BTAF1: variants seen among roughly 807,000 people sequenced by gnomAD.
BTAF1 encodes B-TFIID TATA-box binding protein associated factor 1, also known as TATA-binding protein-associated factor 172.
BTAF1 carries 38 observed loss-of-function variants against 227.1 expected under a neutral mutation model. That is an observed-to-expected ratio of 0.17 (90% CI 0.13 to 0.22). The LOEUF (loss-of-function observed/expected upper bound fraction) is 0.22, where lower values mean the gene tolerates loss of function less well. Ranked by LOEUF, BTAF1 falls within the 10% of genes least tolerant of loss-of-function variation. The pLI is 1.00. For synonymous variants in BTAF1, 742 were observed against 751.9 expected (o/e 0.99, Z 0.21); for missense variants, 1,598 against 2,204.0 (o/e 0.73, Z 5.51).
intron 36 of BTAF1, 107 bp downstream of exon 36, chr10:92,026,858 G>A: frequency 2.4e-6 from 3 of 1,235,276 alleles, no homozygotes; most frequent in Non-Finnish European, 2.2e-6. Flanking sequence ...TAACATACAT[G>A]TGTTATGACC....
chr10:91,944,193 A>G (rs1007672127), intron 4 of BTAF1, among the ~76,000 whole-genome samples: 7 of 151,800 alleles, frequency 4.6e-5, no homozygotes, highest in Non-Finnish European at 1.0e-4. Flanking sequence ...GGTGATTCTG[A>G]TATGTAACCA....
intron 5 of BTAF1, 124 bp downstream of exon 5, chr10:91,951,690 C>G (rs1327761268): frequency 3.9e-6 from 4 of 1,018,306 alleles, no homozygotes; most frequent in South Asian, 2.2e-5. Context: ...CTTAGTGCCA[C>G]CATAATTTAG....
chr10:91,997,937 CTG>C (rs1203774097), intron 25 of BTAF1, among the ~76,000 whole-genome samples, 186 bp downstream of exon 25: 1 of 151,880 alleles, frequency 6.6e-6, no homozygotes, highest in Non-Finnish European at 1.5e-5. Flanking sequence ...GGGTGAAACC[CTG>C]TCTCTACTAA....
intron 14 of BTAF1, among the ~76,000 whole-genome samples, chr10:91,975,735 C>T (rs1423113653): frequency 6.6e-6 from 1 of 152,120 alleles, no homozygotes; most frequent in African/African-American, 2.4e-5. Context: ...CTCCTTTTTT[C>T]TGAGTGTACC....
chr10:91,990,031 AACTTTTAGT>A (rs1490462586), intron 20 of BTAF1, among the ~76,000 whole-genome samples: 1 of 152,236 alleles, frequency 6.6e-6, no homozygotes, highest in Non-Finnish European at 1.5e-5. Context: ...GAGATTAGTG[AACTTTTAGT>A]ACTTTTAGTA....
chr10:91,935,571 G>C, intron 1 of BTAF1, 86 bp from the exon 2 acceptor site: 1 of 1,402,598 alleles, frequency 7.1e-7, no homozygotes, highest in Admixed American at 2.1e-5. Flanking sequence ...TTCATTCATA[G>C]CATCTGCTCA....
At position 91,997,632 on chromosome 10, in the gene BTAF1, G is replaced by C. The variant is rs754343426; in HGVS notation, c.3541G>C (p.Val1181Leu). 1.9e-6 allele frequency: 3 copies of C among 1,613,786 alleles called. No individual in the cohort carries two copies. In the African/African-American group the frequency reaches 4.0e-5, roughly 22 times the overall value. Residue 1181 changes from valine to leucine, a missense_variant, in exon 25 of 38, where the codon GTT becomes CTT. Val to Leu is a conservative substitution (Grantham distance 32, BLOSUM62 1). This residue lies in a region of BTAF1 where 425 missense variants were observed against 491.2 expected (regional missense o/e 0.87). Coordinates refer to ENST00000265990, the MANE Select transcript of BTAF1 (RefSeq NM_003972.3). Reference sequence around the variant, plus strand: ...AATGGAACAACTAGATGTTGGTATTGTTCCATATATTGTCCTTTTAGTTGT... The same window carrying C: ...AATGGAACAACTAGATGTTGGTATTCTTCCATATATTGTCCTTTTAGTTGT... Reference protein sequence around the residue: ...CVMEQLDVGIVPYIVLLVVPV... With the variant: ...CVMEQLDVGILPYIVLLVVPV...
intron 25 of BTAF1, among the ~76,000 whole-genome samples, chr10:92,003,179 G>A (rs959183226): frequency 4.0e-5 from 6 of 150,772 alleles, no homozygotes; most frequent in East Asian, 1.9e-4. Context: ...AAGTTACGGC[G>A]TCCAACATGA....
At chr10:91,992,333 A>G in intron 21 of BTAF1, 24 bp downstream of exon 21, 1 of 1,220,984 alleles carries the variant, frequency 8.2e-7, no homozygotes, top group African/African-American at 1.6e-5. Flanking sequence ...TTTTTTTTTT[A>G]ATGCTTTGAT....
At chr10:91,991,791 GTGTGTGTATATATATA>G (rs765703146) in intron 20 of BTAF1, among the ~76,000 whole-genome samples, 23,073 of 67,208 alleles carry the variant, frequency 0.34, 2,449 homozygotes, top group East Asian at 0.5. Flanking sequence ...GTGTGTGTGT[GTGTGTGTATATATATA>G]TATATATATA....
At chr10:92,003,431 G>C (rs1849687482) in intron 25 of BTAF1, among the ~76,000 whole-genome samples, 1 of 152,086 alleles carries the variant, frequency 6.6e-6, no homozygotes, top group Non-Finnish European at 1.5e-5. Flanking sequence ...TAAGCACCTA[G>C]TAACCACTAT....
chr10:92,026,637 CGTTG>C lies in BTAF1; in HGVS notation c.5124_5127del (p.Gly1709AlafsTer6). Reference sequence around the variant, plus strand: ...TAGACGTTCTGTTACTTACCACTCACGTTGGTGGCCTGGGACTTAATTTGACAGG... The same window carrying C: ...TAGACGTTCTGTTACTTACCACTCACGTGGCCTGGGACTTAATTTGACAGG... On this transcript the variant is annotated frameshift_variant, in exon 36 of 38. Transcript: ENST00000265990. LOFTEE classifies it high-confidence loss of function. The C allele has an allele frequency of 6.2e-7, 1 of 1,613,702 alleles. No individual in the cohort carries two copies. The highest frequency in any genetic ancestry group is 2.2e-5 in the East Asian group (1 of 44,882).
chr10:91,988,873 T>A (rs1433702466), intron 19 of BTAF1, among the ~76,000 whole-genome samples: 1 of 152,250 alleles, frequency 6.6e-6, no homozygotes, highest in Non-Finnish European at 1.5e-5. Context: ...TAAATGTGAT[T>A]TTCCTCAAAG....
rs1851831730 is a variant in BTAF1, at chr10:92,030,618, T to C, written c.*1685T>C. 6.6e-6 allele frequency among the ~76,000 whole-genome samples: 1 copy of C among 151,646 alleles called. No individual in the cohort carries two copies. Among genetic ancestry groups the C allele is most frequent in the South Asian group, 2.1e-4 (1 of 4,816 alleles). ...AATCACACCATAAAAGTTAGTACTT[T>C]TTCCCAATCTGAAATGTCAGATAGA... On this transcript the variant is annotated 3_prime_UTR_variant, in exon 38 of 38. Coordinates refer to ENST00000265990, the MANE Select transcript of BTAF1 (RefSeq NM_003972.3).
intron 14 of BTAF1, among the ~76,000 whole-genome samples, chr10:91,971,743 A>G (rs956306893): frequency 6.6e-6 from 1 of 152,118 alleles, no homozygotes; most frequent in East Asian, 1.9e-4. Flanking sequence ...AAGTGCTGGG[A>G]TTACAGGCAT....
intron 20 of BTAF1, among the ~76,000 whole-genome samples, 188 bp from the exon 21 acceptor site, chr10:91,991,931 A>G (rs934416100): frequency 3.3e-5 from 5 of 151,760 alleles, no homozygotes; most frequent in Non-Finnish European, 7.4e-5. Flanking sequence ...CCTGGATTGT[A>G]TTAGGTATAA....
intron 4 of BTAF1, among the ~76,000 whole-genome samples, chr10:91,942,894 G>A (rs764539536): frequency 4.6e-5 from 7 of 152,024 alleles, no homozygotes; most frequent in Non-Finnish European, 8.8e-5. Flanking sequence ...TATAAAATCA[G>A]GATTAGTATA....
At chr10:91,998,964 G>A (rs1420753758) in intron 25 of BTAF1, among the ~76,000 whole-genome samples, 2 of 151,426 alleles carry the variant, frequency 1.3e-5, no homozygotes, top group Non-Finnish European at 2.9e-5. Flanking sequence ...TCAGGAGGCT[G>A]ATGCAGGAGA....
intron 2 of BTAF1, among the ~76,000 whole-genome samples, chr10:91,937,771 GT>G (rs909808902): frequency 5.3e-5 from 8 of 151,876 alleles, no homozygotes; most frequent in South Asian, 4.2e-4. Context: ...AATTTTGGAG[GT>G]TTTTTTTCCA....
Sources: allele counts gnomAD v4.1 joint callset (sites outside exome capture counted in the v4.1 genomes callset), GRCh38; gene constraint gnomAD v4.1.1; regional missense constraint gnomAD v4.1.1; transcripts MANE v1.5; gene names NCBI Gene and HGNC (gene_info 2026-07-23, HGNC 2026-07-21).